LEPROTL1: variants seen among roughly 807,000 people sequenced by gnomAD.
LEPROTL1 encodes leptin receptor overlapping transcript like 1, also known as leptin receptor overlapping transcript-like 1.
Under a neutral mutation model 15.4 loss-of-function variants are expected in LEPROTL1, and 6 were observed. The observed-to-expected ratio is 0.39, with a 90% CI of 0.21 to 0.77. The LOEUF (loss-of-function observed/expected upper bound fraction) is 0.77, where lower values mean the gene tolerates loss of function less well. Among genes scored for constraint, LEPROTL1 ranks in the 30% least tolerant of loss-of-function variants. The pLI is 0.41. For synonymous variants in LEPROTL1, 56 were observed against 52.6 expected (o/e 1.06, Z -0.28); for missense variants, 128 against 158.1 (o/e 0.81, Z 1.02).
chr8:30,113,311 C>G (rs1349861894), downstream of LEPROTL1, among the ~76,000 whole-genome samples: 2 of 151,886 alleles, frequency 1.3e-5, no homozygotes, highest in African/African-American at 4.8e-5. Context: ...AATACATGGG[C>G]AAAGTTAAAA....
intron 3 of LEPROTL1, among the ~76,000 whole-genome samples, chr8:30,128,465 A>G (rs1802939239): frequency 6.6e-6 from 1 of 152,106 alleles, no homozygotes; most frequent in African/African-American, 2.4e-5. Context: ...TAAAAAAATT[A>G]CGGGGCTGGA....
chr8:30,132,999 G>A, intron 4 of LEPROTL1: 11 of 1,290,396 alleles, frequency 8.5e-6, no homozygotes, highest in Non-Finnish European at 1.1e-5. Context: ...GCAGGAAATA[G>A]ATAGGTCTGT....
chr8:30,104,521 A>G (rs1802527742), intron 3 of LEPROTL1, 35 bp downstream of exon 3: 3 of 1,424,546 alleles, frequency 2.1e-6, no homozygotes, highest in African/African-American at 2.9e-5. Context: ...ATGATTTTAT[A>G]TTGAACATGT....
At chr8:30,097,026 A>C (rs2117470898) in intron 1 of LEPROTL1, among the ~76,000 whole-genome samples, 1 of 152,348 alleles carries the variant, frequency 6.6e-6, no homozygotes, top group South Asian at 2.1e-4. Flanking sequence ...GTAATCACAG[A>C]ATCAGCATCT....
chr8:30,110,911 C>T (rs1362278648), downstream of LEPROTL1, among the ~76,000 whole-genome samples: 1 of 152,134 alleles, frequency 6.6e-6, no homozygotes, highest in East Asian at 1.9e-4. Flanking sequence ...GTGTGTCTGG[C>T]ATTTAATATT....
At chr8:30,109,771 A>T (rs1802627827), downstream of LEPROTL1, among the ~76,000 whole-genome samples, 2 of 152,206 alleles carry the variant, frequency 1.3e-5, no homozygotes, top group African/African-American at 2.4e-5. Flanking sequence ...TGTACACAGT[A>T]CATCAGTGGA....
intron 3 of LEPROTL1, 179 bp downstream of exon 3, chr8:30,104,665 C>T (rs897480181): frequency 2.9e-5 from 12 of 418,548 alleles, no homozygotes; most frequent in East Asian, 1.8e-4. Flanking sequence ...TATTGGAGAA[C>T]GTGGCTTGGA....
rs553804546 is a variant in LEPROTL1 at position 30,127,768 on chromosome 8, G to A, written c.280-4607G>A. 5.3e-5 allele frequency among the ~76,000 whole-genome samples: 8 copies of A among 151,692 alleles called. No homozygotes were observed. The East Asian group carries it at 1.6e-3, about 30-fold the overall frequency. On this transcript the variant is annotated intron_variant, in intron 3 of 4. Transcript: ENST00000442880. ...ACAAGACAAAAAGCAGGGGTAACCTGAGGGTTACTTCTAGATCAAGCAAGA... is the reference window on the plus strand; with the variant it reads ...ACAAGACAAAAAGCAGGGGTAACCTAAGGGTTACTTCTAGATCAAGCAAGA...
chr8:30,103,226 G>A (rs1383844188), intron 2 of LEPROTL1, among the ~76,000 whole-genome samples: 1 of 152,190 alleles, frequency 6.6e-6, no homozygotes, highest in Non-Finnish European at 1.5e-5. Flanking sequence ...AGAGCTGTAA[G>A]TGCTAACATG....
Position 30,107,137 on chromosome 8 carries a change from G to T in LEPROTL1, c.*1275G>T, listed in dbSNP as rs1728622677. On this transcript the variant is annotated 3_prime_UTR_variant, in exon 4 of 4. Coordinates refer to ENST00000321250, the MANE Select transcript of LEPROTL1 (RefSeq NM_015344.3). The stretch of plus-strand genomic sequence containing the variant: ...TATACCTCTGAACTGTTTTGATTTT[G>T]AGTTCATCATGATAGATCTGCTGTT... 2.0e-6 allele frequency: 2 copies of T among 984,384 alleles called. No individual in the cohort carries two copies. Among genetic ancestry groups the T allele is most frequent in the East Asian group, 2.3e-4 (2 of 8,800 alleles). The allele number at this position is 984,384 out of a possible 1,614,324, so 61.0% of individuals were successfully genotyped here.
At chr8:30,123,318 G>A (rs1047437325) in intron 3 of LEPROTL1, among the ~76,000 whole-genome samples, 2 of 152,214 alleles carry the variant, frequency 1.3e-5, no homozygotes, top group Non-Finnish European at 2.9e-5. Flanking sequence ...GGGAATGACC[G>A]TAGACCATTC....
At position 30,108,147 on chromosome 8, in the gene LEPROTL1, T is replaced by C. The variant is rs1802600582; in HGVS notation, c.*2285T>C. ...GTGCATTAACATTCTAATAAGGTGA[T>C]GTAAAGCAAGATGACATTGGTGTAA... is the stretch of plus-strand genomic sequence containing the variant. On this transcript the variant is annotated 3_prime_UTR_variant, in exon 4 of 4. Coordinates refer to ENST00000321250, the MANE Select transcript of LEPROTL1 (RefSeq NM_015344.3). The C allele has an allele frequency of 2.7e-6, 1 of 365,230 alleles. No homozygotes were observed. Among genetic ancestry groups the C allele is most frequent in the African/African-American group, 2.2e-5 (1 of 45,650 alleles). 22.6% of individuals were successfully genotyped at this position (365,230 alleles called of 1,614,324 possible). A position where few individuals can be genotyped will look rare whatever the true frequency, so the allele number is the denominator to read the frequency against.
At chr8:30,131,871 C>G in intron 3 of LEPROTL1, 1 of 1,458,642 alleles carries the variant, frequency 6.9e-7, no homozygotes, top group Non-Finnish European at 9.1e-7. Context: ...CAAATGTATG[C>G]ATTATCGATG....
intron 3 of LEPROTL1, among the ~76,000 whole-genome samples, chr8:30,116,996 G>A (rs1802751415): frequency 6.6e-6 from 1 of 151,770 alleles, no homozygotes; most frequent in Admixed American, 6.6e-5. Flanking sequence ...CAGTATGGGG[G>A]AGAAAAAAAA....
At chr8:30,099,460 G>T (rs879743252) in intron 1 of LEPROTL1, among the ~76,000 whole-genome samples, 3 of 138,300 alleles carry the variant, frequency 2.2e-5, no homozygotes, top group Non-Finnish European at 4.7e-5. Flanking sequence ...AATTAGCTAG[G>T]CATGGTGGTG....
At chr8:30,098,832 G>A (rs939385735) in intron 1 of LEPROTL1, among the ~76,000 whole-genome samples, 2 of 152,140 alleles carry the variant, frequency 1.3e-5, no homozygotes, top group African/African-American at 2.4e-5. Context: ...CCCTCCTTTC[G>A]TGAAATGGAC....
intron 3 of LEPROTL1, among the ~76,000 whole-genome samples, chr8:30,124,498 T>C (rs1054749994): frequency 6.6e-6 from 1 of 152,178 alleles, no homozygotes; most frequent in Admixed American, 6.5e-5. Flanking sequence ...TCTGTGAATA[T>C]CTCTAAAATG....
chr8:30,118,784 A>G (rs886108498), intron 3 of LEPROTL1, among the ~76,000 whole-genome samples: 1 of 152,204 alleles, frequency 6.6e-6, no homozygotes, highest in South Asian at 2.1e-4. Flanking sequence ...GCAAGAAAAC[A>G]TGTGAGCAAA....
intron 1 of LEPROTL1, among the ~76,000 whole-genome samples, chr8:30,100,218 G>A (rs1361119474): frequency 6.6e-6 from 1 of 151,864 alleles, no homozygotes; most frequent in African/African-American, 2.4e-5. Context: ...TGTTTTAGTT[G>A]TGCAGAGTAT....
Sources: allele counts gnomAD v4.1 joint callset (sites outside exome capture counted in the v4.1 genomes callset), GRCh38; gene constraint gnomAD v4.1.1; transcripts MANE v1.5; gene names NCBI Gene and HGNC (gene_info 2026-07-23, HGNC 2026-07-21).